TENM3: variants seen among roughly 807,000 people sequenced by gnomAD.
The protein encoded by TENM3 is teneurin transmembrane protein 3, also known as teneurin-3.
A neutral mutation model predicts 255.1 loss-of-function variants in TENM3; 63 were observed. The ratio of observed to expected loss-of-function variants is 0.25; its 90% CI spans 0.20 to 0.30. TENM3 has a LOEUF of 0.30. TENM3 is among the 10% of genes least tolerant of loss of function. The pLI is 1.00. For synonymous variants in TENM3, 1,306 were observed against 1,322.3 expected, an observed-to-expected ratio of 0.99 and a Z score of 0.27; for missense variants, 2,929 against 3,461.1, an observed-to-expected ratio of 0.85 and a Z score of 3.86.
chr4:181,600,396 A>T, the TENM3 span, among the ~76,000 whole-genome samples: 8 of 152,248 alleles, frequency 5.3e-5, no homozygotes, highest in South Asian at 1.7e-3. Flanking sequence ...CCACTGCCCC[A>T]GTCCTCCTTA....
chr4:182,130,976 T>A, the TENM3 span, among the ~76,000 whole-genome samples: 1 of 152,150 alleles, frequency 6.6e-6, no homozygotes, highest in Non-Finnish European at 1.5e-5. Flanking sequence ...AACCCCAGGA[T>A]GACATGAAAT....
intron 1 of TENM3, among the ~76,000 whole-genome samples, chr4:182,212,305 A>G (rs756461965): frequency 9.9e-5 from 15 of 152,210 alleles, no homozygotes; most frequent in Non-Finnish European, 1.9e-4. Flanking sequence ...CTGTTTCCAG[A>G]GATAGAAATC....
At chr4:182,155,587 T>A (rs1309023355) in intron 1 of TENM3, among the ~76,000 whole-genome samples, 1 of 152,156 alleles carries the variant, frequency 6.6e-6, no homozygotes, top group Non-Finnish European at 1.5e-5. Context: ...TTTCATAATC[T>A]TTCATAATTG....
At chr4:182,520,618 T>G (rs1172696261) in intron 3 of TENM3, among the ~76,000 whole-genome samples, 2 of 152,204 alleles carry the variant, frequency 1.3e-5, no homozygotes, top group East Asian at 3.8e-4. Context: ...GCACAACAGC[T>G]TGGCTGCTGC....
the TENM3 span, among the ~76,000 whole-genome samples, chr4:181,900,159 A>G: frequency 6.6e-6 from 1 of 152,192 alleles, no homozygotes; most frequent in East Asian, 1.9e-4. Context: ...TCATTGATTT[A>G]TGAGAACATT....
chr4:182,739,426 A>G (rs1029363080), intron 18 of TENM3, among the ~76,000 whole-genome samples: 2 of 152,172 alleles, frequency 1.3e-5, no homozygotes, highest in Non-Finnish European at 2.9e-5. Flanking sequence ...AAGTTAATCT[A>G]TTATACTTTA....
chr4:182,700,026 AAT>A (rs1276652621), intron 12 of TENM3, among the ~76,000 whole-genome samples: 1 of 152,158 alleles, frequency 6.6e-6, no homozygotes, highest in African/African-American at 2.4e-5. Context: ...GCTGCAGAAT[AAT>A]ATGTTGTCAG....
the TENM3 span, among the ~76,000 whole-genome samples, chr4:181,860,863 A>G: frequency 6.6e-6 from 1 of 152,156 alleles, no homozygotes; most frequent in Non-Finnish European, 1.5e-5. Context: ...TTATTTATTC[A>G]GCTGGCTTTG....
the TENM3 span, among the ~76,000 whole-genome samples, chr4:182,030,831 T>C: frequency 6.6e-6 from 1 of 152,208 alleles, no homozygotes; most frequent in Non-Finnish European, 1.5e-5. Flanking sequence ...TTTATATGTT[T>C]ATTGGGCACA....
the TENM3 span, among the ~76,000 whole-genome samples, chr4:181,814,258 A>ACTT: frequency 6.6e-6 from 1 of 152,196 alleles, no homozygotes; most frequent in South Asian, 2.1e-4. Context: ...TGACTAGTGG[A>ACTT]CTTTAAGATG....
chr4:182,787,636 A>G (rs1765775188), intron 24 of TENM3, among the ~76,000 whole-genome samples: 1 of 147,492 alleles, frequency 6.8e-6, no homozygotes, highest in Non-Finnish European at 1.5e-5. Flanking sequence ...CGGGAGGCTG[A>G]GGCAGGAGAA....
the TENM3 span, among the ~76,000 whole-genome samples, chr4:181,666,412 G>T: frequency 6.6e-5 from 10 of 152,122 alleles, no homozygotes; most frequent in Admixed American, 5.2e-4. Context: ...CTCCTTGAAA[G>T]CAGCTTGTGC....
chr4:181,904,649 ACT>A, the TENM3 span, among the ~76,000 whole-genome samples: 1 of 151,978 alleles, frequency 6.6e-6, no homozygotes, highest in African/African-American at 2.4e-5. Context: ...TGTTCACAAC[ACT>A]CTGTCCTCGC....
chr4:181,549,932 C>G, the TENM3 span, among the ~76,000 whole-genome samples: 121 of 144,444 alleles, frequency 8.4e-4, no homozygotes, highest in Middle Eastern at 3.5e-3. Context: ...AAAAACCATA[C>G]AGTTTTTTTT....
At position 182,773,636 on chromosome 4, in the gene TENM3, C is replaced by A. The variant is rs369408835; in HGVS notation, c.5057C>A (p.Thr1686Asn). ...SNLSSIDSFY[T>N]MVQDQLRNSY... ...CTGTCCTCGATCGATTCTTTCTACACCATGGTTCAAGGTAAACACGAAAGC... is the reference window on the plus strand; with the variant it reads ...CTGTCCTCGATCGATTCTTTCTACAACATGGTTCAAGGTAAACACGAAAGC... Residue 1686 changes from threonine to asparagine, a missense_variant, in exon 23 of 28, where the codon ACC (threonine) becomes AAC (asparagine). This residue lies in a region of TENM3 where 1,608 missense variants were observed against 1,884.4 expected (regional missense o/e 0.85). Coordinates refer to ENST00000511685, the MANE Select transcript of TENM3 (RefSeq NM_001080477.4). 2.5e-6 allele frequency: 4 copies of A among 1,611,934 alleles called. No homozygotes were observed. In the African/African-American group the frequency reaches 5.3e-5, roughly 22 times the overall value.
chr4:181,561,819 C>T, the TENM3 span, among the ~76,000 whole-genome samples: 1 of 152,184 alleles, frequency 6.6e-6, no homozygotes, highest in Non-Finnish European at 1.5e-5. Flanking sequence ...GTAGAATTTC[C>T]TGTTCAAAGA....
intron 1 of TENM3, among the ~76,000 whole-genome samples, chr4:182,170,275 T>C (rs1264671797): frequency 6.6e-6 from 1 of 152,002 alleles, no homozygotes; most frequent in Non-Finnish European, 1.5e-5. Flanking sequence ...GAACTGAAAA[T>C]AAATGATTTT....
At chr4:181,466,600 T>G in the TENM3 span, among the ~76,000 whole-genome samples, 4 of 152,170 alleles carry the variant, frequency 2.6e-5, no homozygotes, top group Admixed American at 2.0e-4. Context: ...ACAGTCAGAT[T>G]GTAATAACTA....
the TENM3 span, among the ~76,000 whole-genome samples, chr4:181,834,628 C>G: frequency 0.98 from 149,925 of 152,292 alleles, 73,856 homozygotes; most frequent in Middle Eastern, 1. Flanking sequence ...GGGAAGGAAG[C>G]GTTGGCCTCC....
Sources: gnomAD v4.1 joint callset for allele counts (sites outside exome capture counted in the v4.1 genomes callset) on GRCh38, gnomAD v4.1.1 for gene constraint, gnomAD v4.1.1 regional missense constraint, MANE v1.5 for transcripts, NCBI Gene and HGNC (gene_info 2026-07-23, HGNC 2026-07-21) for gene names.